Variants in PPP1R1C observed in about 807,000 individuals in gnomAD.
PPP1R1C encodes the protein protein phosphatase 1 regulatory inhibitor subunit 1C, also known as protein phosphatase 1 regulatory subunit 1C.
Under a neutral mutation model 17.4 loss-of-function variants are expected in PPP1R1C, and 15 were observed. The observed-to-expected ratio is 0.86, with a 90% CI of 0.58 to 1.33. The LOEUF (loss-of-function observed/expected upper bound fraction) is 1.33, where lower values mean the gene tolerates loss of function less well. Ranked by LOEUF, PPP1R1C falls within the 40% of genes most tolerant of loss-of-function variation. The probability of loss-of-function intolerance (pLI) is 0.00; values close to 1 mark genes in which losing one functional copy is unlikely to be tolerated. For synonymous variants in PPP1R1C, 35 were observed against 43.1 expected (o/e 0.81, Z 0.73); for missense variants, 143 against 130.0 (o/e 1.10, Z -0.48).
chr2:182,010,825 T>A (rs1324697470), intron 2 of PPP1R1C, among the ~76,000 whole-genome samples: 1 of 152,022 alleles, frequency 6.6e-6, no homozygotes, highest in Admixed American at 6.6e-5. Flanking sequence ...AGGGTTTTTA[T>A]CATACAGGGA....
At chr2:182,006,427 G>A (rs1685927106) in intron 2 of PPP1R1C, among the ~76,000 whole-genome samples, 1 of 152,158 alleles carries the variant, frequency 6.6e-6, no homozygotes. Context: ...ATGATATACA[G>A]CATTGATGAA....
intron 2 of PPP1R1C, among the ~76,000 whole-genome samples, chr2:182,037,046 G>T (rs941425093): frequency 2.4e-4 from 37 of 152,196 alleles, no homozygotes; most frequent in Non-Finnish European, 1.0e-4. Flanking sequence ...AGAACGGATT[G>T]AGGCTTGAAA....
At chr2:182,117,011 G>A (rs1689603713) in intron 4 of PPP1R1C, among the ~76,000 whole-genome samples, 196 bp from the exon 5 acceptor site, 2 of 152,108 alleles carry the variant, frequency 1.3e-5, no homozygotes, top group South Asian at 4.1e-4. Flanking sequence ...GCCTCTAATG[G>A]AAATTCAGCT....
chr2:182,025,831 T>C (rs1482087589), intron 2 of PPP1R1C, among the ~76,000 whole-genome samples: 1 of 144,960 alleles, frequency 6.9e-6, no homozygotes, highest in Non-Finnish European at 1.5e-5. Flanking sequence ...ACCAACGGTG[T>C]AAAAGTGTTC....
At chr2:182,084,122 T>G (rs1368909443) in intron 4 of PPP1R1C, among the ~76,000 whole-genome samples, 1 of 152,112 alleles carries the variant, frequency 6.6e-6, no homozygotes, top group African/African-American at 2.4e-5. Context: ...ATTTGTGTTT[T>G]TTTTTATTTT....
intron 4 of PPP1R1C, among the ~76,000 whole-genome samples, chr2:182,074,573 A>T (rs1300760729): frequency 1.3e-5 from 2 of 152,214 alleles, no homozygotes; most frequent in Admixed American, 6.5e-5. Flanking sequence ...AAATGTCAAG[A>T]TAAATTGAGA....
chr2:181,979,134 G>A (rs761111470), intron 2 of PPP1R1C, among the ~76,000 whole-genome samples: 1 of 152,084 alleles, frequency 6.6e-6, no homozygotes, highest in Non-Finnish European at 1.5e-5. Context: ...AAAATGTAAG[G>A]AGTATTTCCA....
At chr2:182,006,630 A>C (rs576167970) in intron 2 of PPP1R1C, among the ~76,000 whole-genome samples, 11 of 152,208 alleles carry the variant, frequency 7.2e-5, no homozygotes, top group Non-Finnish European at 1.6e-4. Flanking sequence ...CTTTTTAACA[A>C]CTGTCTTAAG....
intron 1 of PPP1R1C, among the ~76,000 whole-genome samples, chr2:181,969,388 T>A (rs567133577): frequency 6.6e-6 from 1 of 152,190 alleles, no homozygotes; most frequent in Admixed American, 6.5e-5. Flanking sequence ...ATACATATTT[T>A]TTTCTTTTAG....
chr2:182,050,758 A>C (rs904714460), intron 2 of PPP1R1C, among the ~76,000 whole-genome samples: 4 of 152,240 alleles, frequency 2.6e-5, no homozygotes, highest in Admixed American at 6.5e-5. Flanking sequence ...AAAGCACAGT[A>C]TAAAACACAT....
At chr2:182,030,748 G>C (rs1364966175) in intron 2 of PPP1R1C, 2 of 152,218 alleles carry the variant, frequency 1.3e-5, no homozygotes, top group African/African-American at 2.4e-5. Flanking sequence ...CACACAGTTC[G>C]AGCTTCCCAG....
At chr2:182,075,852 G>A (rs1350726457) in intron 4 of PPP1R1C, among the ~76,000 whole-genome samples, 2 of 152,072 alleles carry the variant, frequency 1.3e-5, no homozygotes, top group African/African-American at 2.4e-5. Flanking sequence ...GAGATGATAA[G>A]CTTTGCCTCA....
chr2:182,019,352 A>T (rs1203727086), intron 2 of PPP1R1C, among the ~76,000 whole-genome samples: 1 of 152,140 alleles, frequency 6.6e-6, no homozygotes, highest in Non-Finnish European at 1.5e-5. Context: ...CCTTGGGTGG[A>T]GTATCACATG....
chr2:182,121,009 C>T (rs1422225606), downstream of PPP1R1C, among the ~76,000 whole-genome samples: 2 of 152,090 alleles, frequency 1.3e-5, no homozygotes, highest in Non-Finnish European at 2.9e-5. Flanking sequence ...TTGAAGGAAA[C>T]CAGTTGAGAT....
chr2:182,017,275 C>T (rs547477457), intron 2 of PPP1R1C, among the ~76,000 whole-genome samples: 198 of 152,126 alleles, frequency 1.3e-3, no homozygotes, highest in Non-Finnish European at 2.0e-3. Context: ...TTTATCAATA[C>T]ATTTTAGAGT....
chr2:182,049,969 C>T (rs1463557647), intron 2 of PPP1R1C, among the ~76,000 whole-genome samples: 1 of 152,146 alleles, frequency 6.6e-6, no homozygotes, highest in African/African-American at 2.4e-5. Context: ...TGTGGATTTT[C>T]TGTTCTCCTG....
chr2:182,069,451 A>G (rs1688080274), intron 4 of PPP1R1C, among the ~76,000 whole-genome samples: 1 of 151,648 alleles, frequency 6.6e-6, no homozygotes, highest in African/African-American at 2.4e-5. Flanking sequence ...TCACTAAGGT[A>G]TCTTTTTTTT....
chr2:182,084,958 A>C (rs1688584161), intron 4 of PPP1R1C, among the ~76,000 whole-genome samples: 1 of 151,938 alleles, frequency 6.6e-6, no homozygotes, highest in Admixed American at 6.6e-5. Context: ...TCTTGTAGAG[A>C]TCTTTTACCT....
chr2:181,964,621 A>G (rs1475917823), intron 1 of PPP1R1C, among the ~76,000 whole-genome samples: 2 of 152,142 alleles, frequency 1.3e-5, no homozygotes, highest in African/African-American at 2.4e-5. Flanking sequence ...TACATCTTCA[A>G]TAGGATTTGT....
Sources: gnomAD v4.1 joint callset for allele counts (sites outside exome capture counted in the v4.1 genomes callset) on GRCh38, gnomAD v4.1.1 for gene constraint, MANE v1.5 for transcripts, NCBI Gene and HGNC (gene_info 2026-07-23, HGNC 2026-07-21) for gene names.